PSD3: variants seen among roughly 807,000 people sequenced by gnomAD.
PSD3 encodes the protein PH and SEC7 domain-containing protein 3.
In PSD3, 49 loss-of-function variants were observed where a neutral mutation model predicts 105.5. The ratio of observed to expected loss-of-function variants is 0.46; its 90% confidence interval spans 0.37 to 0.59. The LOEUF (loss-of-function observed/expected upper bound fraction) is 0.59, where lower values mean the gene tolerates loss of function less well. Among genes scored for constraint, PSD3 ranks in the 20% least tolerant of loss-of-function variants. PSD3 has a pLI of 0.00. For synonymous variants in PSD3, 557 were observed against 457.8 expected (o/e 1.22, Z -2.77); for missense variants, 1,561 against 1,263.8 (o/e 1.24, Z -3.57).
At chr8:19,033,549 TC>T (rs1827842214) in intron 1 of PSD3, among the ~76,000 whole-genome samples, 2 of 148,448 alleles carry the variant, frequency 1.3e-5, no homozygotes, top group African/African-American at 2.4e-5. Context: ...CTTTTTTTTT[TC>T]TTTTTTTAAA....
chr8:19,010,144 G>C (rs916990029), intron 1 of PSD3, among the ~76,000 whole-genome samples: 2 of 152,204 alleles, frequency 1.3e-5, no homozygotes, highest in Non-Finnish European at 2.9e-5. Context: ...TGGCTCAGGA[G>C]TGAGTGGTCC....
At chr8:18,817,290 G>C (rs2638609) in intron 4 of PSD3, among the ~76,000 whole-genome samples, 1 of 152,100 alleles carries the variant, frequency 6.6e-6, no homozygotes, top group African/African-American at 2.4e-5. Flanking sequence ...TCCAAAGTTC[G>C]TGGGCTGTTT....
rs1563225078 is a variant in PSD3 at position 18,752,524 on chromosome 8, A to AAT, written c.2172+12924_2172+12925insAT. Among the ~76,000 whole-genome samples the AAT allele has an allele frequency of 1.9e-3, 140 of 73,538 alleles. 1 individual carries two copies. The highest frequency in any genetic ancestry group is 0.014 in the South Asian group (44 of 3,128). The allele number at this position is 73,538 out of a possible 152,430, so 48.2% of individuals were successfully genotyped here. On this transcript the variant is annotated intron_variant, in intron 9 of 15. Coordinates refer to ENST00000327040, the MANE Select transcript of PSD3 (RefSeq NM_015310.4). Reference sequence around the variant, plus strand: ...ATAATATATATAATATATGTAATATATATAATTATATATTATATATATTAT... The same window carrying AAT: ...ATAATATATATAATATATGTAATATAATTATAATTATATATTATATATATTAT...
At chr8:18,704,248 A>C (rs1016375587) in intron 9 of PSD3, among the ~76,000 whole-genome samples, 3 of 152,214 alleles carry the variant, frequency 2.0e-5, no homozygotes, top group Non-Finnish European at 4.4e-5. Flanking sequence ...TTCTTACTAG[A>C]CTCTAAATGA....
At chr8:18,656,534 C>G (rs1808908898) in intron 9 of PSD3, among the ~76,000 whole-genome samples, 1 of 152,048 alleles carries the variant, frequency 6.6e-6, no homozygotes, top group Non-Finnish European at 1.5e-5. Context: ...CCAATTCTGC[C>G]TTACAGTTAA....
intron 1 of PSD3, among the ~76,000 whole-genome samples, chr8:18,967,886 T>A (rs901136060): frequency 6.6e-6 from 1 of 152,168 alleles, no homozygotes; most frequent in Non-Finnish European, 1.5e-5. Flanking sequence ...AGAATTAGAA[T>A]TGGGTATCGA....
chr8:18,942,742 T>C (rs1225371263), intron 1 of PSD3, among the ~76,000 whole-genome samples: 2 of 152,196 alleles, frequency 1.3e-5, no homozygotes, highest in African/African-American at 2.4e-5. Context: ...CTTCCAACTT[T>C]GATCTCGAAT....
At chr8:18,538,100 G>C (rs1563300484) in intron 15 of PSD3, among the ~76,000 whole-genome samples, 1 of 152,212 alleles carries the variant, frequency 6.6e-6, no homozygotes, top group Non-Finnish European at 1.5e-5. Context: ...ATGGAAAGAC[G>C]GAGAGAGCCA....
At chr8:18,572,437 A>C (rs1485391546) in intron 14 of PSD3, 91 bp downstream of exon 14, 1 of 1,493,836 alleles carries the variant, frequency 6.7e-7, no homozygotes, top group Non-Finnish European at 9.1e-7. Context: ...ACCTGCCCCC[A>C]AAACATGGAC....
At chr8:19,001,869 C>A in intron 1 of PSD3, 1 of 175,862 alleles carries the variant, frequency 5.7e-6, no homozygotes, top group South Asian at 1.6e-4. Context: ...GCGGTGTCCC[C>A]AGCATCCCCC....
chr8:18,579,516 G>C (rs909703837), intron 12 of PSD3, among the ~76,000 whole-genome samples: 2 of 152,084 alleles, frequency 1.3e-5, no homozygotes, highest in African/African-American at 4.8e-5. Context: ...TTATGTAACA[G>C]GATTCATTAG....
chr8:19,028,820 T>C (rs867362930), intron 1 of PSD3, among the ~76,000 whole-genome samples: 16 of 152,324 alleles, frequency 1.1e-4, no homozygotes, highest in Middle Eastern at 6.8e-3. Context: ...TTAGCTCTTA[T>C]CTTTACATTT....
At chr8:18,950,073 CA>C (rs1823143638) in intron 1 of PSD3, among the ~76,000 whole-genome samples, 1 of 152,070 alleles carries the variant, frequency 6.6e-6, no homozygotes, top group Admixed American at 6.5e-5. Context: ...AATAGGTGCC[CA>C]ATAGCACCTA....
chr8:18,862,373 T>C (rs1816515873), intron 4 of PSD3, among the ~76,000 whole-genome samples: 1 of 72,870 alleles, frequency 1.4e-5, no homozygotes, highest in Non-Finnish European at 2.7e-5. Context: ...AACTCCTTTG[T>C]GGTTTTTAAA....
chr8:18,706,235 C>T (rs1205273510), intron 9 of PSD3, among the ~76,000 whole-genome samples: 1 of 152,188 alleles, frequency 6.6e-6, no homozygotes, highest in Non-Finnish European at 1.5e-5. Context: ...ATACCTGTTT[C>T]AACCCATTAA....
At chr8:18,718,761 G>T (rs1802759744) in intron 9 of PSD3, among the ~76,000 whole-genome samples, 1 of 152,134 alleles carries the variant, frequency 6.6e-6, no homozygotes, top group African/African-American at 2.4e-5. Context: ...AGAGTAGGAG[G>T]TCAAGGAAAT....
At chr8:18,753,963 C>T (rs1401819972) in intron 9 of PSD3, among the ~76,000 whole-genome samples, 4 of 152,192 alleles carry the variant, frequency 2.6e-5, no homozygotes, top group African/African-American at 9.7e-5. Flanking sequence ...AAGGTTGCAA[C>T]ATTTTCTCTT....
chr8:18,743,899 G>A (rs905718825), intron 9 of PSD3, among the ~76,000 whole-genome samples: 16 of 151,824 alleles, frequency 1.1e-4, no homozygotes, highest in African/African-American at 3.9e-4. Context: ...TGGTTGCAGT[G>A]AGATATGGTT....
At chr8:19,026,701 CAA>C (rs10669321) in intron 1 of PSD3, among the ~76,000 whole-genome samples, 7,827 of 81,488 alleles carry the variant, frequency 0.096, 106 homozygotes, top group African/African-American at 0.11. Flanking sequence ...CACATCTCTA[CAA>C]AAAAAAAAAA....
Sources: allele counts gnomAD v4.1 joint callset (sites outside exome capture counted in the v4.1 genomes callset), GRCh38; gene constraint gnomAD v4.1.1; transcripts MANE v1.5; gene names NCBI Gene and HGNC (gene_info 2026-07-23, HGNC 2026-07-21).